The following FAM151B variants were observed in gnomAD, a reference collection of about 807,000 sequenced individuals.
FAM151B encodes protein FAM151B.
Under a neutral mutation model 31.2 loss-of-function variants are expected in FAM151B, and 24 were observed. The ratio of observed to expected loss-of-function variants is 0.77; its 90% CI spans 0.56 to 1.08. FAM151B has a LOEUF of 1.08. Ranked by LOEUF, FAM151B falls within the 50% of genes least tolerant of loss-of-function variation. The pLI is 0.00. For synonymous variants in FAM151B, 105 were observed against 111.4 expected (o/e 0.94, Z 0.36); for missense variants, 293 against 328.6 (o/e 0.89, Z 0.84).
chr5:80,500,955 G>T, intron 1 of FAM151B: 1 of 709,158 alleles, frequency 1.4e-6, no homozygotes, highest in East Asian at 2.5e-5. Flanking sequence ...ACTTGCTGTG[G>T]CCCTTCAAAT....
intron 3 of FAM151B, 31 bp from the exon 4 acceptor site, chr5:80,519,661 TC>T: frequency 1.3e-6 from 2 of 1,582,756 alleles, no homozygotes; most frequent in Non-Finnish European, 1.7e-6. Context: ...ACCTAAAGAA[TC>T]TATCTCATTG....
rs115555455 is a variant in FAM151B at position 80,513,394 on chromosome 5, A to G, written c.152-210A>G. On this transcript the variant is annotated intron_variant, in intron 2 of 5. Coordinates refer to ENST00000282226, the MANE Select transcript of FAM151B (RefSeq NM_205548.3). Reference sequence around the variant, plus strand: ...AGATCTGTGTAACTTAGGGAAAGTCATTTAACTTCTTGACATCTGTTTGCT... The same window carrying G: ...AGATCTGTGTAACTTAGGGAAAGTCGTTTAACTTCTTGACATCTGTTTGCT... Among the ~76,000 whole-genome samples, 1,051 of 152,336 alleles carry G rather than the reference A, an allele frequency of 6.9e-3. 9 individuals carry two copies. The highest frequency in any genetic ancestry group is 0.024 in the African/African-American group (1,011 of 41,580).
intron 1 of FAM151B, among the ~76,000 whole-genome samples, chr5:80,496,438 A>G (rs537520169): frequency 2.0e-5 from 3 of 152,354 alleles, no homozygotes; most frequent in African/African-American, 7.2e-5. Flanking sequence ...ACAGTATAAC[A>G]GTGTAAACAT....
chr5:80,525,220 A>G (rs1744905289), intron 5 of FAM151B, among the ~76,000 whole-genome samples: 7 of 152,226 alleles, frequency 4.6e-5, no homozygotes, highest in Admixed American at 4.6e-4. Context: ...TTCTAAGAAG[A>G]TAGCAATATC....
intron 1 of FAM151B, among the ~76,000 whole-genome samples, chr5:80,488,613 C>G (rs530939528): frequency 1.3e-5 from 2 of 152,336 alleles, no homozygotes; most frequent in Admixed American, 6.5e-5. Context: ...CTTGATTCCC[C>G]TTGGAATCAG....
rs528662435 is a variant in FAM151B at position 80,506,407 on chromosome 5, T to C, written c.151+4490T>C. On this transcript the variant is annotated intron_variant, in intron 2 of 5. Coordinates refer to ENST00000282226, the MANE Select transcript of FAM151B (RefSeq NM_205548.3). Reference sequence around the variant, plus strand: ...AAGAAAAGAGACATAAAGATCACAATAACATCACTGAGCTGCTGATTGTAC... The same window carrying C: ...AAGAAAAGAGACATAAAGATCACAACAACATCACTGAGCTGCTGATTGTAC... Among the ~76,000 whole-genome samples, 20 of 152,244 alleles carry C rather than the reference T, an allele frequency of 1.3e-4. No individual in the cohort carries two copies. The South Asian group carries it at 3.9e-3, about 30-fold the overall frequency.
At chr5:80,497,307 C>T (rs1033184676) in intron 1 of FAM151B, among the ~76,000 whole-genome samples, 5 of 151,098 alleles carry the variant, frequency 3.3e-5, no homozygotes, top group Non-Finnish European at 7.4e-5. Flanking sequence ...CTCAGCTGCT[C>T]AGAAGGCTGA....
chr5:80,538,024 A>G (rs550837336), intron 5 of FAM151B, among the ~76,000 whole-genome samples: 76 of 151,928 alleles, frequency 5.0e-4, no homozygotes, highest in African/African-American at 1.8e-3. Context: ...GTAAATGTAA[A>G]TATAGCATCT....
At chr5:80,535,641 A>G (rs1745462359) in intron 5 of FAM151B, among the ~76,000 whole-genome samples, 1 of 152,242 alleles carries the variant, frequency 6.6e-6, no homozygotes, top group Non-Finnish European at 1.5e-5. Flanking sequence ...AACTACTGCA[A>G]GAAAACATTG....
intron 1 of FAM151B, among the ~76,000 whole-genome samples, chr5:80,494,456 T>TTTCTTTCTTTTCTTTCTTTTC (rs753640131): frequency 4.8e-5 from 4 of 82,676 alleles, no homozygotes; most frequent in Non-Finnish European, 7.7e-5. Context: ...TCTTTCTTTC[T>TTTCTTTCTTTTCTTTCTTTTC]TTTCTTTCTT....
chr5:80,538,888 G>A (rs1178598737), intron 5 of FAM151B, among the ~76,000 whole-genome samples: 13 of 151,830 alleles, frequency 8.6e-5, no homozygotes, highest in African/African-American at 3.1e-4. Flanking sequence ...GTGGGCCACC[G>A]TGTCTGGTCC....
chr5:80,500,513 A>G, intron 1 of FAM151B: 1 of 761,054 alleles, frequency 1.3e-6, no homozygotes, highest in Non-Finnish European at 2.4e-6. Context: ...CAAGGAATAT[A>G]GGCAGATATA....
intron 1 of FAM151B, among the ~76,000 whole-genome samples, chr5:80,490,617 CTA>C (rs1197370662): frequency 6.6e-6 from 1 of 152,218 alleles, no homozygotes; most frequent in Non-Finnish European, 1.5e-5. Flanking sequence ...TTTTCTGTCT[CTA>C]TGAATTTGCC....
At chr5:80,513,263 G>A (rs927407999) in intron 2 of FAM151B, among the ~76,000 whole-genome samples, 2 of 152,178 alleles carry the variant, frequency 1.3e-5, no homozygotes, top group African/African-American at 4.8e-5. Context: ...ATAAAAGTAC[G>A]ATTTTTATTC....
intron 5 of FAM151B, among the ~76,000 whole-genome samples, chr5:80,526,362 C>G (rs1185237613): frequency 6.6e-6 from 1 of 151,462 alleles, no homozygotes; most frequent in African/African-American, 2.4e-5. Context: ...AATCCTAGCA[C>G]TTTGGGAGGC....
Position 80,511,503 on chromosome 5 carries a change from C to T in FAM151B, c.152-2101C>T, listed in dbSNP as rs115747344. On this transcript the variant is annotated intron_variant, in intron 2 of 5. Coordinates refer to ENST00000282226, the MANE Select transcript of FAM151B (RefSeq NM_205548.3). Reference sequence around the variant, plus strand: ...TATTTATTGCAGTGCAGGTTGGCCACCTCTTATGGAGTACACTTGTGCGAT... The same window carrying T: ...TATTTATTGCAGTGCAGGTTGGCCATCTCTTATGGAGTACACTTGTGCGAT... Among the ~76,000 whole-genome samples the T allele has an allele frequency of 6.4e-3, 970 of 151,186 alleles. 1 individual carries two copies. The highest frequency in any genetic ancestry group is 0.01 in the Non-Finnish European group (690 of 67,836).
intron 5 of FAM151B, among the ~76,000 whole-genome samples, chr5:80,530,853 CA>C (rs1366010046): frequency 1.3e-5 from 2 of 152,140 alleles, no homozygotes; most frequent in African/African-American, 4.8e-5. Flanking sequence ...ATCAAGCTAC[CA>C]ATGACTTTCT....
intron 5 of FAM151B, among the ~76,000 whole-genome samples, chr5:80,530,933 A>G (rs950282504): frequency 2.6e-5 from 4 of 152,220 alleles, no homozygotes; most frequent in African/African-American, 4.8e-5. Context: ...TGCCAAGACA[A>G]TCTTAAGCCA....
chr5:80,489,735 T>C (rs1294907705), intron 1 of FAM151B, among the ~76,000 whole-genome samples: 6 of 152,162 alleles, frequency 3.9e-5, no homozygotes, highest in East Asian at 1.9e-4. Flanking sequence ...CCATCCTGGC[T>C]AACACAGTGA....
Sources: gnomAD v4.1 joint callset for allele counts (sites outside exome capture counted in the v4.1 genomes callset) on GRCh38, gnomAD v4.1.1 for gene constraint, MANE v1.5 for transcripts, NCBI Gene and HGNC (gene_info 2026-07-23, HGNC 2026-07-21) for gene names.